The following SLC10A6 variants were observed in gnomAD, a reference collection of about 807,000 sequenced individuals.
SLC10A6 encodes the protein sodium-dependent organic anion transporter.
A neutral mutation model predicts 30.0 loss-of-function variants in SLC10A6; 27 were observed. The observed-to-expected ratio is 0.90, with a 90% CI of 0.66 to 1.24. The LOEUF (loss-of-function observed/expected upper bound fraction) is 1.24, where lower values mean the gene tolerates loss of function less well. Ranked by LOEUF, SLC10A6 falls within the 50% of genes most tolerant of loss-of-function variation. The pLI, the probability that SLC10A6 is intolerant of heterozygous loss-of-function variation, is 0.00. For missense variants in SLC10A6, 439 were observed against 457.0 expected (o/e 0.96, Z 0.36); for synonymous variants, 166 against 173.8 (o/e 0.95, Z 0.36).
At position 86,835,915 on chromosome 4, in the gene SLC10A6, A is replaced by G. The variant is rs576480907; in HGVS notation, c.378-2491T>C. Among the ~76,000 whole-genome samples, 5 of 150,284 alleles carry G rather than the reference A, an allele frequency of 3.3e-5. No individual in the cohort carries two copies. The South Asian group carries it at 1.0e-3, about 31-fold the overall frequency. On this transcript the variant is annotated intron_variant, in intron 1 of 5. Transcript: ENST00000273905. ...ATCAGTTAGAGGGGTTGTGTTAAGT[A>G]AGGTGATAGTGGGACATCCAGTCTT...
chr4:86,829,789 A>G (rs1196684587), intron 3 of SLC10A6, among the ~76,000 whole-genome samples: 1 of 152,160 alleles, frequency 6.6e-6, no homozygotes, highest in Non-Finnish European at 1.5e-5. Flanking sequence ...CATATTATTA[A>G]ATGTTTTGCC....
chr4:86,827,843 G>T, intron 4 of SLC10A6, 150 bp downstream of exon 4: 1 of 581,338 alleles, frequency 1.7e-6, no homozygotes, highest in Middle Eastern at 4.8e-4. Flanking sequence ...GAATTGCCAT[G>T]AATGACCCTC....
In SLC10A6 at chr4:86,828,058, G is replaced by C; in HGVS notation, c.696C>G (p.Ile232Met). The C allele has an allele frequency of 6.2e-7, 1 of 1,613,944 alleles. No homozygotes were observed. The highest frequency in any genetic ancestry group is 8.5e-7 in the Non-Finnish European group (1 of 1,179,918). The change falls in exon 4 of 6, where the codon ATC (isoleucine) becomes ATG (methionine). Residue 232 changes from isoleucine to methionine, a missense_variant. Transcript: ENST00000273905. Reference protein sequence around the residue: ...SDITLLTISFIFPLIGHVTGF... With the variant: ...SDITLLTISFMFPLIGHVTGF... ...CCGTGACATGGCCAATCAAAGGAAA[G>C]ATGAAACTGATGGTCAGAAGGGTGA...
chr4:86,832,549 C>A (rs577660898), intron 2 of SLC10A6, among the ~76,000 whole-genome samples: 1 of 151,468 alleles, frequency 6.6e-6, no homozygotes, highest in South Asian at 2.1e-4. Flanking sequence ...CGAGATTGCA[C>A]GACTGCACTC....
rs757198516 is a variant in SLC10A6 at position 86,828,089 on chromosome 4, G to A, written c.665C>T (p.Ser222Leu). 2 of 1,613,790 alleles carry A rather than the reference G, an allele frequency of 1.2e-6. No individual in the cohort carries two copies. Among genetic ancestry groups the A allele is most frequent in the Non-Finnish European group, 8.5e-7 (1 of 1,179,898 alleles). ...GVVLAKGSWN[S>L]DITLLTISFI... is the part of the protein sequence containing the mutation. ...ACTGATGGTCAGAAGGGTGATGTCT[G>A]AATTCCAAGATCCTTTCGCCAGGAC... Residue 222 changes from serine to leucine, a missense_variant, in exon 4 of 6, where the codon TCA (serine) becomes TTA (leucine). Coordinates refer to ENST00000273905, the MANE Select transcript of SLC10A6 (RefSeq NM_197965.3).
At chr4:86,837,223 GAGAGAAAGAAAGAAAGAAAGAA>G (rs1483168036) in intron 1 of SLC10A6, among the ~76,000 whole-genome samples, 16 of 114,654 alleles carry the variant, frequency 1.4e-4, no homozygotes, top group African/African-American at 6.2e-4. Context: ...GAGAGAGAGA[GAGAGAAAGAAAGAAAGAAAGAA>G]AGAAAGAAAG....
intron 4 of SLC10A6, 107 bp downstream of exon 4, chr4:86,827,886 T>C (rs1050338455): frequency 2.4e-5 from 24 of 1,011,402 alleles, no homozygotes; most frequent in Admixed American, 2.9e-5. Flanking sequence ...GATTCCACTA[T>C]GTAAGTCAAA....
intron 1 of SLC10A6, chr4:86,837,557 A>G (rs1746222623): frequency 1.0e-6 from 1 of 978,452 alleles, no homozygotes; most frequent in South Asian, 4.7e-5. Flanking sequence ...AGAACTGAAG[A>G]AATATTCAAC....
chr4:86,823,949 T>C, intron 5 of SLC10A6, 47 bp from the exon 6 acceptor site: 1 of 1,525,164 alleles, frequency 6.6e-7, no homozygotes, highest in South Asian at 1.3e-5. Context: ...TAACAAAGAG[T>C]CTAATTTGGT....
At chr4:86,836,806 G>A (rs1328953363) in intron 1 of SLC10A6, among the ~76,000 whole-genome samples, 1 of 152,122 alleles carries the variant, frequency 6.6e-6, no homozygotes, top group Non-Finnish European at 1.5e-5. Context: ...CGCCCAGGCT[G>A]GAGTGCAGTG....
In SLC10A6 at chr4:86,835,745, A is replaced by G. The variant is rs901423034; in HGVS notation, c.378-2321T>C. On this transcript the variant is annotated intron_variant, in intron 1 of 5. Coordinates refer to ENST00000273905, the MANE Select transcript of SLC10A6 (RefSeq NM_197965.3). ...GAAAAGGAGAAGAAAGAAAGAAAGA[A>G]AGAGAGAGAGAGAGAGAAAGAAAAG... 4.7e-5 allele frequency among the ~76,000 whole-genome samples: 7 copies of G among 149,758 alleles called. No homozygotes were observed. In the East Asian group the frequency reaches 5.9e-4, roughly 13 times the overall value.
intron 1 of SLC10A6, among the ~76,000 whole-genome samples, chr4:86,834,186 T>C (rs1746141759): frequency 6.6e-6 from 1 of 152,090 alleles, no homozygotes; most frequent in African/African-American, 2.4e-5. Context: ...TCAGTTCTTA[T>C]GAGCTCTAGT....
intron 1 of SLC10A6, among the ~76,000 whole-genome samples, chr4:86,837,015 C>CTAAA (rs1746197087): frequency 6.6e-6 from 1 of 151,866 alleles, no homozygotes; most frequent in Non-Finnish European, 1.5e-5. Context: ...CCTCGGCCTC[C>CTAAA]TAAAGTGCAT....
chr4:86,833,227 G>C (rs891233098), intron 2 of SLC10A6, 79 bp downstream of exon 2: 80 of 1,140,544 alleles, frequency 7.0e-5, no homozygotes, highest in Non-Finnish European at 7.8e-6. Context: ...CCTGCATAAA[G>C]AGTTATATAA....
At chr4:86,843,720 A>G (rs1746345735) in intron 1 of SLC10A6, among the ~76,000 whole-genome samples, 1 of 152,204 alleles carries the variant, frequency 6.6e-6, no homozygotes, top group Admixed American at 6.5e-5. Flanking sequence ...TTGAGCAGGG[A>G]CTAAAACACA....
intron 1 of SLC10A6, among the ~76,000 whole-genome samples, chr4:86,834,857 G>A (rs909117015): frequency 1.3e-5 from 2 of 152,144 alleles, no homozygotes. Context: ...GGGGAAGGGG[G>A]AGCAGGTATC....
rs569653002 is a variant in SLC10A6, at chr4:86,834,621, T to C, written c.378-1197A>G. On this transcript the variant is annotated intron_variant, in intron 1 of 5. Coordinates refer to ENST00000273905, the MANE Select transcript of SLC10A6 (RefSeq NM_197965.3). ...TATTTTTATTGAAAATTTTTGCATGTATATTCATAAGAACTATTGATCTGC... is the reference window on the plus strand; with the variant it reads ...TATTTTTATTGAAAATTTTTGCATGCATATTCATAAGAACTATTGATCTGC... Among the ~76,000 whole-genome samples the C allele has an allele frequency of 5.3e-5, 8 of 152,352 alleles. No individual in the cohort carries two copies. The South Asian group carries it at 1.5e-3, about 28-fold the overall frequency.
At chr4:86,832,416 G>A (rs567086375) in intron 2 of SLC10A6, among the ~76,000 whole-genome samples, 3 of 152,042 alleles carry the variant, frequency 2.0e-5, no homozygotes, top group East Asian at 3.9e-4. Context: ...ACCAGCCTGG[G>A]CAACACGGTG....
intron 4 of SLC10A6, among the ~76,000 whole-genome samples, chr4:86,826,562 AAATAAAT>A (rs1746004475): frequency 6.6e-6 from 1 of 151,690 alleles, no homozygotes; most frequent in Admixed American, 6.6e-5. Context: ...ATAAATAAAT[AAATAAAT>A]AAATAAATAA....
Sources: allele counts gnomAD v4.1 joint callset (sites outside exome capture counted in the v4.1 genomes callset), GRCh38; gene constraint gnomAD v4.1.1; transcripts MANE v1.5; gene names NCBI Gene and HGNC (gene_info 2026-07-23, HGNC 2026-07-21).